The following COPB2 variants were observed in gnomAD, a reference collection of about 807,000 sequenced individuals.
COPB2 encodes the protein coat protein complex I subunit beta 2.
In COPB2, 16 loss-of-function variants were observed where a neutral mutation model predicts 120.8. That is an observed-to-expected ratio of 0.13 (90% CI 0.09 to 0.20). COPB2 has a LOEUF of 0.20. Ranked by LOEUF, COPB2 falls within the 10% of genes least tolerant of loss-of-function variation. The probability of loss-of-function intolerance (pLI) is 1.00; values close to 1 mark genes in which losing one functional copy is unlikely to be tolerated. For missense variants in COPB2, 794 were observed against 1,076.5 expected (o/e 0.74, Z 3.67); for synonymous variants, 332 against 366.3 (o/e 0.91, Z 1.07).
At position 139,378,080 on chromosome 3, in the gene COPB2, G is replaced by T; in HGVS notation, c.465C>A (p.Asn155Lys). 3 of 1,580,054 alleles carry T rather than the reference G, an allele frequency of 1.9e-6. No homozygotes were observed. Among genetic ancestry groups the T allele is most frequent in the Non-Finnish European group, 8.7e-7 (1 of 1,155,578 alleles). The change falls in exon 5 of 22, where the codon AAC (asparagine) becomes AAA (lysine). Residue 155 changes from asparagine to lysine, a missense_variant. Coordinates refer to ENST00000333188, the MANE Select transcript of COPB2 (RefSeq NM_004766.3). ...VMQIVINPKD[N>K]NQFASASLDR... ...CCAAAGAGGCACTGGCAAACTGATTGTTATCTTTGGGGTTGATCACAATCT... is the reference window on the plus strand; with the variant it reads ...CCAAAGAGGCACTGGCAAACTGATTTTTATCTTTGGGGTTGATCACAATCT...
chr3:139,363,979 C>T (rs868743453), intron 15 of COPB2, among the ~76,000 whole-genome samples: 4 of 152,112 alleles, frequency 2.6e-5, no homozygotes, highest in Middle Eastern at 3.4e-3. Flanking sequence ...TGAAATGAGG[C>T]GGACTAAAAT....
chr3:139,357,793 G>T lies in COPB2; in HGVS notation c.*70C>A. 1.3e-6 allele frequency: 1 copy of T among 754,554 alleles called. No individual in the cohort carries two copies. The highest frequency in any genetic ancestry group is 2.1e-6 in the Non-Finnish European group (1 of 476,576). The allele number at this position is 754,554 out of a possible 1,614,324, so 46.7% of individuals were successfully genotyped here. A position where few individuals can be genotyped will look rare whatever the true frequency, so the allele number is the denominator to read the frequency against. On this transcript the variant is annotated 3_prime_UTR_variant, in exon 22 of 22. Coordinates refer to ENST00000333188, the MANE Select transcript of COPB2 (RefSeq NM_004766.3). ...AGTTTCTCATAGTCCAAAGCACTGT[G>T]GTCAGGGTAGCAATCAATACCTATA... is the stretch of plus-strand genomic sequence containing the variant.
At chr3:139,368,513 C>T (rs1941563628) in intron 12 of COPB2, among the ~76,000 whole-genome samples, 1 of 152,168 alleles carries the variant, frequency 6.6e-6, no homozygotes, top group Admixed American at 6.5e-5. Flanking sequence ...GGAGAGCTGT[C>T]AGTAAACACT....
intron 16 of COPB2, 77 bp downstream of exon 16, chr3:139,362,330 C>A (rs916022796): frequency 8.2e-6 from 8 of 979,028 alleles, no homozygotes; most frequent in African/African-American, 1.6e-5. Context: ...ACTTTAATAA[C>A]AAAACATTAC....
rs1941850204 is a variant in COPB2, at chr3:139,383,359, T to C, written c.80A>G (p.Glu27Gly). The change falls in exon 2 of 22, where the codon GAG becomes GGG. Residue 27 changes from glutamate (E) to glycine (G), a missense_variant. Transcript: ENST00000333188. The part of the protein sequence containing the change: ...RVKSVDLHPT[E>G]PWMLASLYNG... ...GTAAAGACTTGCCAACATCCATGGC[T>C]CTGTAGGATGCAGATCCACACTCTT... 6.2e-7 allele frequency: 1 copy of C among 1,613,236 alleles called. No individual in the cohort carries two copies. The highest frequency in any genetic ancestry group is 8.5e-7 in the Non-Finnish European group (1 of 1,179,714).
chr3:139,359,297 C>T lies in COPB2; in HGVS notation c.2276G>A (p.Arg759Gln), dbSNP rs376670841. The T allele has an allele frequency of 1.0e-4, 169 of 1,613,998 alleles. No homozygotes were observed. Among genetic ancestry groups the T allele is most frequent in the Non-Finnish European group, 1.3e-4 (154 of 1,180,028 alleles). ...TGAAACCTGACTGGGTAAGTAAGTTCGGGCCAAGAAGGCAGCTTCTGGCAG... is the reference window on the plus strand; with the variant it reads ...TGAAACCTGACTGGGTAAGTAAGTTTGGGCCAAGAAGGCAGCTTCTGGCAG... ...GRLPEAAFLA[R>Q]TYLPSQVSRV... The change falls in exon 18 of 22, where the codon CGA (arginine) becomes CAA (glutamine). Residue 759 changes from arginine (R) to glutamine (Q), a missense_variant. Transcript: ENST00000333188.
intron 17 of COPB2, among the ~76,000 whole-genome samples, chr3:139,360,173 A>T (rs749616200): frequency 1.2e-4 from 16 of 131,270 alleles, no homozygotes; most frequent in Non-Finnish European, 2.3e-4. Flanking sequence ...TCAAAGTTAT[A>T]TGGCGAAGTA....
At chr3:139,378,916 G>A (rs968238035) in intron 4 of COPB2, 131 bp downstream of exon 4, 2 of 871,612 alleles carry the variant, frequency 2.3e-6, no homozygotes, top group African/African-American at 3.5e-5. Flanking sequence ...CACAGTAATG[G>A]ATCTAAATAG....
At chr3:139,377,960 T>G in intron 5 of COPB2, 81 bp downstream of exon 5, 1 of 1,317,564 alleles carries the variant, frequency 7.6e-7, no homozygotes, top group Admixed American at 2.4e-5. Context: ...TGGGTACATT[T>G]CTGACCAGTC....
chr3:139,370,894 A>T (rs1941612427), intron 10 of COPB2, among the ~76,000 whole-genome samples: 1 of 152,254 alleles, frequency 6.6e-6, no homozygotes, highest in South Asian at 2.1e-4. Flanking sequence ...TAGGAAATTT[A>T]TGAAAATATC....
At chr3:139,358,555 G>A in intron 20 of COPB2, 189 bp downstream of exon 20, 1 of 609,120 alleles carries the variant, frequency 1.6e-6, no homozygotes, top group Non-Finnish European at 2.9e-6. Flanking sequence ...ATGGGCGCCT[G>A]TAATTACCCC....
Position 139,366,636 on chromosome 3 carries a change from C to A in COPB2, c.1816G>T (p.Ala606Ser). The change falls in exon 15 of 22, where the codon GCT becomes TCT. Residue 606 changes from alanine (A) to serine (S), a missense_variant. This residue lies in a region of COPB2 where 610 missense variants were observed against 866.7 expected (regional missense o/e 0.70). Coordinates refer to ENST00000333188, the MANE Select transcript of COPB2 (RefSeq NM_004766.3). Reference protein sequence around the residue: ...TAVMRRDFSMADKVLPTIPKE... With the variant: ...TAVMRRDFSMSDKVLPTIPKE... Reference sequence around the variant, plus strand: ...GGAATGGTAGGAAGGACCTTATCAGCCATGCTAAAGTCCCTCCGCATGACA... The same window carrying A: ...GGAATGGTAGGAAGGACCTTATCAGACATGCTAAAGTCCCTCCGCATGACA... The A allele has an allele frequency of 6.2e-7, 1 of 1,614,076 alleles. No homozygotes were observed.
chr3:139,382,016 T>C (rs931474414), intron 2 of COPB2: 1 of 152,188 alleles, frequency 6.6e-6, no homozygotes, highest in Non-Finnish European at 1.5e-5. Context: ...ATATTATTCA[T>C]TGGTTGAACA....
rs753266290 is a variant in COPB2 at position 139,378,029 on chromosome 3, T to C, written c.504+12A>G. 6.6e-7 allele frequency: 1 copy of C among 1,512,278 alleles called. No homozygotes were observed. The highest frequency in any genetic ancestry group is 9.0e-7 in the Non-Finnish European group (1 of 1,111,028). The allele number at this position is 1,512,278 out of a possible 1,614,324, so 93.7% of individuals were successfully genotyped here. A position where few individuals can be genotyped will look rare whatever the true frequency, so the allele number is the denominator to read the frequency against. ...TAATAATGATAACTGACACAAAATG[T>C]GGATGCCCTACCTTGATAGTCCTGT... On this transcript the variant is annotated intron_variant, in intron 5 of 21. Coordinates refer to ENST00000333188, the MANE Select transcript of COPB2 (RefSeq NM_004766.3).
Position 139,368,034 on chromosome 3 carries a change from G to A in COPB2, c.1545+111C>T. 3.7e-6 allele frequency: 4 copies of A among 1,095,320 alleles called. No homozygotes were observed. In the South Asian group the frequency reaches 8.6e-5, roughly 23 times the overall value. The allele number at this position is 1,095,320 out of a possible 1,614,324, so 67.9% of individuals were successfully genotyped here. A position where few individuals can be genotyped will look rare whatever the true frequency, so the allele number is the denominator to read the frequency against. On this transcript the variant is annotated intron_variant, in intron 13 of 21. Coordinates refer to ENST00000333188, the MANE Select transcript of COPB2 (RefSeq NM_004766.3). The stretch of plus-strand genomic sequence containing the variant: ...ATTTCACCAGAAATCCTTAAATGCT[G>A]TCTCCCTACACCTAATTTATAACGA...
In COPB2 at chr3:139,359,157, C is replaced by G. The variant is rs992195371; in HGVS notation, c.2325G>C (p.Glu775Asp). The change falls in exon 19 of 22, where the codon GAG becomes GAC. Residue 775 changes from glutamate to aspartate, a missense_variant. Transcript: ENST00000333188. Reference sequence around the variant, plus strand: ...CTTTCTGATTGACTTTTGAGAGATTCTCTCTCCAGAGTTTCACTACCCTAT... The same window carrying G: ...CTTTCTGATTGACTTTTGAGAGATTGTCTCTCCAGAGTTTCACTACCCTAT... ...QVSRVVKLWR[E>D]NLSKVNQKAA... The G allele has an allele frequency of 1.9e-6, 3 of 1,613,612 alleles. No homozygotes were observed. Among genetic ancestry groups the G allele is most frequent in the Non-Finnish European group, 2.5e-6 (3 of 1,179,854 alleles).
At chr3:139,387,614 A>G (rs1259948960) in intron 1 of COPB2, among the ~76,000 whole-genome samples, 1 of 152,174 alleles carries the variant, frequency 6.6e-6, no homozygotes, top group Non-Finnish European at 1.5e-5. Context: ...GATCCTCCTT[A>G]AAGCCAGGGT....
chr3:139,372,360 A>C (rs1408780678), intron 9 of COPB2, among the ~76,000 whole-genome samples: 4 of 152,262 alleles, frequency 2.6e-5, no homozygotes, highest in Admixed American at 2.6e-4. Context: ...GAGAAAACAG[A>C]ATGCTGCAGA....
intron 1 of COPB2, 28 bp from the exon 2 acceptor site, chr3:139,383,463 T>C (rs1285059488): frequency 6.6e-7 from 1 of 1,508,218 alleles, no homozygotes; most frequent in East Asian, 2.3e-5. Flanking sequence ...AAAAATTAAA[T>C]TGCTAAGCCA....
Sources: gnomAD v4.1 joint callset for allele counts (sites outside exome capture counted in the v4.1 genomes callset) on GRCh38, gnomAD v4.1.1 for gene constraint, gnomAD v4.1.1 regional missense constraint, MANE v1.5 for transcripts, NCBI Gene and HGNC (gene_info 2026-07-23, HGNC 2026-07-21) for gene names.